Variants in ITPK1 observed in about 807,000 individuals in gnomAD.
ITPK1 encodes inositol-tetrakisphosphate 1-kinase, also known as inositol 1,3,4-trisphosphate 5/6-kinase.
In ITPK1, 21 loss-of-function variants were observed where a neutral mutation model predicts 45.3. That is an observed-to-expected ratio of 0.46 (90% CI 0.33 to 0.67). The LOEUF (loss-of-function observed/expected upper bound fraction) is 0.67. ITPK1 is among the 30% of genes least tolerant of loss of function. ITPK1 has a pLI of 0.02. For missense variants in ITPK1, 474 were observed against 573.5 expected, an observed-to-expected ratio of 0.83 and a Z score of 1.77; for synonymous variants, 258 against 253.6, an observed-to-expected ratio of 1.02 and a Z score of -0.16.
In ITPK1 at chr14:93,021,367, C is replaced by T. The variant is rs372644408; in HGVS notation, c.121-4566G>A. 3.3e-5 allele frequency among the ~76,000 whole-genome samples: 5 copies of T among 151,926 alleles called. No individual in the cohort carries two copies. The East Asian group carries it at 7.8e-4, about 24-fold the overall frequency. On this transcript the variant is annotated intron_variant, in intron 3 of 10. Transcript: ENST00000267615. Reference sequence around the variant, plus strand: ...CAGCACTTTGGGAGGCCAGGTGGGCCGATCACTTGAGGTCAGGAGTTTAAG... The same window carrying T: ...CAGCACTTTGGGAGGCCAGGTGGGCTGATCACTTGAGGTCAGGAGTTTAAG...
intron 3 of ITPK1, among the ~76,000 whole-genome samples, chr14:93,021,950 C>T (rs769273696): frequency 1.3e-5 from 2 of 152,176 alleles, no homozygotes; most frequent in African/African-American, 2.4e-5. Flanking sequence ...ACGGCAAACT[C>T]GTGAAGGCAT....
chr14:93,066,338 G>C (rs1360084475), intron 3 of ITPK1: 1 of 339,548 alleles, frequency 2.9e-6, no homozygotes, highest in African/African-American at 2.8e-5. Flanking sequence ...GTGTGTGTGT[G>C]TGTAGGGGGC....
intron 2 of ITPK1, among the ~76,000 whole-genome samples, chr14:93,086,472 G>C (rs1891655046): frequency 6.6e-6 from 1 of 152,242 alleles, no homozygotes; most frequent in Admixed American, 6.5e-5. Context: ...TTCCTGGTCT[G>C]ATTTTGGTCA....
intron 2 of ITPK1, among the ~76,000 whole-genome samples, chr14:93,099,510 G>A (rs74821279): frequency 2.1e-3 from 315 of 152,268 alleles, no homozygotes; most frequent in Non-Finnish European, 3.5e-3. Context: ...CCCAAGGCCC[G>A]GAAAAACCCC....
chr14:93,049,867 G>A (rs773145519), intron 3 of ITPK1, among the ~76,000 whole-genome samples: 1 of 152,042 alleles, frequency 6.6e-6, no homozygotes, highest in Non-Finnish European at 1.5e-5. Context: ...GGTGGGAGAT[G>A]GGGGGAGACC....
chr14:92,940,930 C>G lies in ITPK1; in HGVS notation c.*631G>C, dbSNP rs1887343935. The G allele has an allele frequency of 7.8e-7, 1 of 1,287,478 alleles. No homozygotes were observed. 79.8% of individuals were successfully genotyped at this position (1,287,478 alleles called of 1,614,324 possible). On this transcript the variant is annotated 3_prime_UTR_variant, in exon 11 of 11. Transcript: ENST00000267615. ...AGGACGCCCAGCTTCCTTTCCTTCC[C>G]TTTAGTGAGGGAGCACAGCCCAGAC...
chr14:92,960,992 G>T (rs951681698), intron 7 of ITPK1, among the ~76,000 whole-genome samples: 1 of 152,272 alleles, frequency 6.6e-6, no homozygotes, highest in Non-Finnish European at 1.5e-5. Flanking sequence ...CATGTGCTGC[G>T]CTACGCTGAC....
chr14:93,114,534 A>C (rs1172530257), intron 2 of ITPK1, among the ~76,000 whole-genome samples: 1 of 152,226 alleles, frequency 6.6e-6, no homozygotes, highest in African/African-American at 2.4e-5. Context: ...TGAGACAGCA[A>C]ATCACCACAT....
In ITPK1 at chr14:92,940,221, C is replaced by G; in HGVS notation, c.*1340G>C. The G allele has an allele frequency of 3.0e-6, 3 of 986,598 alleles. No individual in the cohort carries two copies. Among genetic ancestry groups the G allele is most frequent in the Non-Finnish European group, 3.6e-6 (3 of 830,754 alleles). 61.1% of individuals were successfully genotyped at this position (986,598 alleles called of 1,614,324 possible). ...CCATCTCACTGGGCAGAGGACAGCC[C>G]GGAAGCCTTTTTCACTTTTTCAAAG... On this transcript the variant is annotated 3_prime_UTR_variant, in exon 11 of 11. Transcript: ENST00000267615.
chr14:92,962,931 C>G, intron 5 of ITPK1, 82 bp from the exon 6 acceptor site: 1 of 856,060 alleles, frequency 1.2e-6, no homozygotes, highest in Non-Finnish European at 1.9e-6. Context: ...CGCCCCACCC[C>G]AGGGGCCTTC....
intron 10 of ITPK1, among the ~76,000 whole-genome samples, chr14:92,945,022 CG>C (rs1887614845): frequency 6.6e-6 from 1 of 152,252 alleles, no homozygotes; most frequent in Admixed American, 6.5e-5. Context: ...CAGGGCTCCA[CG>C]GTGCCTCTCC....
At chr14:92,976,041 T>C (rs528627279) in intron 5 of ITPK1, among the ~76,000 whole-genome samples, 18 of 152,318 alleles carry the variant, frequency 1.2e-4, no homozygotes, top group African/African-American at 4.1e-4. Flanking sequence ...CCTTCCACCA[T>C]GATTGTAAGT....
chr14:92,941,621 C>G lies in ITPK1; in HGVS notation c.1185G>C (p.Val395=). 1 of 1,538,276 alleles carries G rather than the reference C, an allele frequency of 6.5e-7. No homozygotes were observed. Among genetic ancestry groups the G allele is most frequent in the Non-Finnish European group, 8.7e-7 (1 of 1,144,650 alleles). Residue 395 remains valine (V), a synonymous_variant, in exon 11 of 11, where the codon GTG becomes GTC. Coordinates refer to ENST00000267615, the MANE Select transcript of ITPK1 (RefSeq NM_014216.6). ...CACAATGCTGCTGGAAGCTGGGCGA[C>G]ACGCCGGCGTTGCAGCCGAGTCTCT... ...PHQRLGCNAG[V]SPSFQQHCVA... is the part of the protein sequence containing the mutation.
intron 2 of ITPK1, among the ~76,000 whole-genome samples, chr14:93,091,886 C>T (rs1435032216): frequency 6.6e-6 from 1 of 152,214 alleles, no homozygotes; most frequent in East Asian, 1.9e-4. Flanking sequence ...GGAGGCGCCA[C>T]TCCTGGGCAG....
At position 93,113,142 on chromosome 14, in the gene ITPK1, A is replaced by C. The variant is rs1000231158; in HGVS notation, c.95+1927T>G. The stretch of plus-strand genomic sequence containing the variant: ...CTCGGGTTCTAGAATGGCCCTGATG[A>C]CTTCTGCCTTCTTTGAAGCCAATAT... On this transcript the variant is annotated intron_variant, in intron 2 of 10. Coordinates refer to ENST00000267615, the MANE Select transcript of ITPK1 (RefSeq NM_014216.6). 3.9e-5 allele frequency among the ~76,000 whole-genome samples: 6 copies of C among 152,208 alleles called. No homozygotes were observed. In the East Asian group the frequency reaches 7.7e-4, roughly 20 times the overall value.
At chr14:92,968,712 T>C (rs570780304) in intron 5 of ITPK1, among the ~76,000 whole-genome samples, 2 of 152,234 alleles carry the variant, frequency 1.3e-5, no homozygotes, top group Non-Finnish European at 2.9e-5. Context: ...GGAGCAGGAA[T>C]TGGGTGGCCA....
chr14:92,966,400 G>C (rs1885361678), intron 5 of ITPK1, among the ~76,000 whole-genome samples: 1 of 152,044 alleles, frequency 6.6e-6, no homozygotes, highest in South Asian at 2.1e-4. Context: ...ATAAGTGTAA[G>C]ACTTAAACAC....
chr14:92,977,279 C>T (rs1024656380), intron 5 of ITPK1, among the ~76,000 whole-genome samples: 1 of 152,220 alleles, frequency 6.6e-6, no homozygotes. Context: ...CCTTACAGAG[C>T]CTATCACTGC....
At chr14:92,969,817 T>C (rs1219275857) in intron 5 of ITPK1, among the ~76,000 whole-genome samples, 1 of 152,110 alleles carries the variant, frequency 6.6e-6, no homozygotes, top group Non-Finnish European at 1.5e-5. Context: ...GAGGCTTTCT[T>C]TGGTTGGATG....
Sources: gnomAD v4.1 joint callset for allele counts (sites outside exome capture counted in the v4.1 genomes callset) on GRCh38, gnomAD v4.1.1 for gene constraint, MANE v1.5 for transcripts, NCBI Gene and HGNC (gene_info 2026-07-23, HGNC 2026-07-21) for gene names.